SGK2: variants seen among roughly 807,000 people sequenced by gnomAD.
SGK2 encodes the protein serum/glucocorticoid regulated kinase 2.
Under a neutral mutation model 47.5 loss-of-function variants are expected in SGK2, and 36 were observed. The ratio of observed to expected loss-of-function variants is 0.76; its 90% CI spans 0.58 to 1.00. The LOEUF (loss-of-function observed/expected upper bound fraction) is 1.00, where lower values mean the gene tolerates loss of function less well. Among genes scored for constraint, SGK2 ranks in the 50% least tolerant of loss-of-function variants. The pLI is 0.00. For missense variants in SGK2, 404 were observed against 467.4 expected (o/e 0.86, Z 1.25); for synonymous variants, 157 against 181.9 (o/e 0.86, Z 1.10).
At chr20:43,569,798 G>A (rs1979986979) in intron 6 of SGK2, among the ~76,000 whole-genome samples, 1 of 152,096 alleles carries the variant, frequency 6.6e-6, no homozygotes, top group African/African-American at 2.4e-5. Flanking sequence ...CACTTTGATA[G>A]GCCCGGGAAA....
chr20:43,583,066 C>T, intron 12 of SGK2: 2 of 738,544 alleles, frequency 2.7e-6, no homozygotes, highest in Non-Finnish European at 3.8e-6. Context: ...TGGTGCCAAG[C>T]CCCTTCCATC....
At chr20:43,563,002 G>C (rs1408959148) in intron 1 of SGK2, among the ~76,000 whole-genome samples, 2 of 152,018 alleles carry the variant, frequency 1.3e-5, no homozygotes, top group Non-Finnish European at 2.9e-5. Flanking sequence ...CGGGTATGGT[G>C]GCGGGCACCT....
At chr20:43,578,445 C>T (rs1980597151) in intron 11 of SGK2, among the ~76,000 whole-genome samples, 1 of 151,948 alleles carries the variant, frequency 6.6e-6, no homozygotes, top group Non-Finnish European at 1.5e-5. Context: ...CTGAGATGGG[C>T]ACCACTGTAC....
At chr20:43,583,317 A>G in intron 12 of SGK2, 1 of 1,288,788 alleles carries the variant, frequency 7.8e-7, no homozygotes, top group Non-Finnish European at 1.0e-6. Context: ...GGACTTTAGA[A>G]TGAGACACTC....
chr20:43,566,610 A>G (rs1344878098), intron 2 of SGK2, 79 bp downstream of exon 2: 2 of 1,017,528 alleles, frequency 2.0e-6, no homozygotes, highest in African/African-American at 3.2e-5. Context: ...GGTCCCAGAC[A>G]ATGTCAGGGG....
chr20:43,573,122 A>G (rs1292160281), intron 9 of SGK2, among the ~76,000 whole-genome samples: 1 of 152,206 alleles, frequency 6.6e-6, no homozygotes, highest in Non-Finnish European at 1.5e-5. Flanking sequence ...GAGGGTTACA[A>G]TTTGCAGATC....
chr20:43,566,058 CT>C, intron 1 of SGK2: 3 of 390,642 alleles, frequency 7.7e-6, no homozygotes, highest in Non-Finnish European at 1.4e-5. Flanking sequence ...TAGGAAGGTC[CT>C]TTTTTAGGCC....
At chr20:43,573,286 C>T (rs549182710) in intron 9 of SGK2, among the ~76,000 whole-genome samples, 14 of 152,238 alleles carry the variant, frequency 9.2e-5, no homozygotes, top group Non-Finnish European at 1.5e-4. Context: ...GTCAGGAGTT[C>T]GACACCAGCC....
chr20:43,579,880 C>A, intron 11 of SGK2, 92 bp from the exon 12 acceptor site: 1 of 806,740 alleles, frequency 1.2e-6, no homozygotes. Context: ...CAGCCAGTTG[C>A]TTGTGGAGCT....
chr20:43,564,141 C>T (rs1017419942), intron 1 of SGK2, among the ~76,000 whole-genome samples: 17 of 152,250 alleles, frequency 1.1e-4, no homozygotes, highest in Middle Eastern at 6.3e-3. Flanking sequence ...ACCTAATGAC[C>T]GCCCCAGGCA....
chr20:43,585,014 TAGAAG>T lies in SGK2; in HGVS notation c.*4_*8del. 6.2e-7 allele frequency: 1 copy of T among 1,612,920 alleles called. No homozygotes were observed. Among genetic ancestry groups the T allele is most frequent in the Non-Finnish European group, 8.5e-7 (1 of 1,179,250 alleles). ...AGAGGATGATGACATCTTGGATTGC[TAGAAG>T]AGAAGGACCTGTGAAACTACTGAGG... On this transcript the variant is annotated stop_retained_variant and 3_prime_UTR_variant, in exon 13 of 13. Coordinates refer to ENST00000373100, the MANE Select transcript of SGK2 (RefSeq NM_170693.3).
chr20:43,560,653 C>T (rs1401583749), intron 1 of SGK2, among the ~76,000 whole-genome samples: 1 of 152,198 alleles, frequency 6.6e-6, no homozygotes, highest in Non-Finnish European at 1.5e-5. Context: ...ACCCCTACAA[C>T]ACCTACTATT....
In SGK2 at chr20:43,569,374, T is replaced by C; in HGVS notation, c.229-11T>C. The C allele has an allele frequency of 1.9e-6, 3 of 1,613,608 alleles. No individual in the cohort carries two copies. In the South Asian group the frequency reaches 3.3e-5, roughly 18 times the overall value. On this transcript the variant is annotated splice_polypyrimidine_tract_variant and intron_variant, in intron 5 of 12. Coordinates refer to ENST00000373100, the MANE Select transcript of SGK2 (RefSeq NM_170693.3). ...GCTGTGACATGGACCCCTCTCTTTG[T>C]GACTCCACAGCAGAGCCACATCATG...
chr20:43,584,811 G>A, intron 12 of SGK2, 41 bp from the exon 13 acceptor site: 14 of 1,588,106 alleles, frequency 8.8e-6, no homozygotes, highest in Non-Finnish European at 1.1e-5. Context: ...TGGCAGCTCT[G>A]ACCCCGGTGT....
intron 7 of SGK2, 27 bp from the exon 8 acceptor site, chr20:43,570,996 CA>C: frequency 6.2e-7 from 1 of 1,612,172 alleles, no homozygotes. Flanking sequence ...TGAGACACCT[CA>C]AGGCTGTTTT....
chr20:43,570,967 A>C, intron 7 of SGK2, 57 bp from the exon 8 acceptor site: 2 of 1,611,288 alleles, frequency 1.2e-6, no homozygotes, highest in Non-Finnish European at 1.7e-6. Flanking sequence ...CAGGTCTCCA[A>C]CTCTCCTCAC....
chr20:43,576,376 C>T lies in SGK2; in HGVS notation c.846C>T (p.Asp282=). The change falls in exon 11 of 13, where the codon GAC becomes GAT. Residue 282 remains aspartate, a synonymous_variant. Coordinates refer to ENST00000373100, the MANE Select transcript of SGK2 (RefSeq NM_170693.3). ...GGCAGCGGCTGGGCTCCAAAGCAGA[C>T]TTTGTAGGTGACCTACCAGTGGAGC... ...DQRQRLGSKA[D]FLEIKNHVFF... The T allele has an allele frequency of 2.5e-6, 4 of 1,613,916 alleles. No individual in the cohort carries two copies. The highest frequency in any genetic ancestry group is 3.4e-6 in the Non-Finnish European group (4 of 1,179,892).
intron 8 of SGK2, among the ~76,000 whole-genome samples, chr20:43,571,815 G>C (rs1980150750): frequency 1.3e-5 from 2 of 152,188 alleles, no homozygotes; most frequent in Non-Finnish European, 2.9e-5. Flanking sequence ...TGTCGTAGGG[G>C]TGGGTCTGAG....
chr20:43,582,132 C>A (rs1980834301), intron 12 of SGK2, among the ~76,000 whole-genome samples: 1 of 152,098 alleles, frequency 6.6e-6, no homozygotes, highest in Non-Finnish European at 1.5e-5. Context: ...ATTGCAACCT[C>A]CACCTCCTGG....
Sources: allele counts gnomAD v4.1 joint callset (sites outside exome capture counted in the v4.1 genomes callset), GRCh38; gene constraint gnomAD v4.1.1; transcripts MANE v1.5; gene names NCBI Gene and HGNC (gene_info 2026-07-23, HGNC 2026-07-21).